Variants in TBC1D10A observed in about 807,000 individuals in gnomAD.
TBC1D10A encodes TBC1 domain family member 10A.
Under a neutral mutation model 52.9 loss-of-function variants are expected in TBC1D10A, and 24 were observed. The ratio of observed to expected loss-of-function variants is 0.45; its 90% CI spans 0.33 to 0.64. TBC1D10A has a LOEUF of 0.64. Ranked by LOEUF, TBC1D10A falls within the 30% of genes least tolerant of loss-of-function variation. The probability of loss-of-function intolerance (pLI) is 0.02; values close to 1 mark genes in which losing one functional copy is unlikely to be tolerated. For synonymous variants in TBC1D10A, 278 were observed against 282.9 expected (o/e 0.98, Z 0.17); for missense variants, 602 against 687.9 (o/e 0.88, Z 1.40).
intron 1 of TBC1D10A, among the ~76,000 whole-genome samples, chr22:30,311,848 A>G (rs997226166): frequency 6.6e-6 from 1 of 152,128 alleles, no homozygotes; most frequent in Non-Finnish European, 1.5e-5. Context: ...GATGGAGTGC[A>G]GTGGCATGAT....
chr22:30,325,107 A>T (rs754396660), intron 1 of TBC1D10A, among the ~76,000 whole-genome samples: 1 of 152,212 alleles, frequency 6.6e-6, no homozygotes, highest in Non-Finnish European at 1.5e-5. Context: ...AGTTCTCACA[A>T]GTGAATCCCT....
At chr22:30,299,409 G>A (rs201494712) in intron 3 of TBC1D10A, 35 bp downstream of exon 3, 16 of 1,601,956 alleles carry the variant, frequency 1.0e-5, no homozygotes, top group East Asian at 2.2e-5. Context: ...CAAGAGATGC[G>A]GAAGGGAGGG....
At chr22:30,295,670 C>T in intron 4 of TBC1D10A, 67 bp downstream of exon 4, 2 of 1,511,460 alleles carry the variant, frequency 1.3e-6, no homozygotes, top group Admixed American at 1.7e-5. Context: ...ACTCACTGTA[C>T]CTCCTTAGAC....
intron 1 of TBC1D10A, 129 bp from the exon 2 acceptor site, chr22:30,304,759 T>C: frequency 1.4e-6 from 2 of 1,444,146 alleles, no homozygotes; most frequent in South Asian, 1.5e-5. Flanking sequence ...CCTTCAGGAC[T>C]GCTACCTCGG....
chr22:30,305,097 A>G lies in TBC1D10A; in HGVS notation c.210-467T>C, dbSNP rs575068767. ...AAACTCATTACTCAGAGTTTCCCCA[A>G]TTATGCCCTGGCCCTTTCCCTCTCA... is the stretch of plus-strand genomic sequence containing the variant. On this transcript the variant is annotated intron_variant, in intron 1 of 8. Transcript: ENST00000215790. Among the ~76,000 whole-genome samples the G allele has an allele frequency of 2.0e-5, 3 of 152,322 alleles. No individual in the cohort carries two copies. In the East Asian group the frequency reaches 5.8e-4, roughly 29 times the overall value.
In TBC1D10A at chr22:30,326,823, G is replaced by A; in HGVS notation, c.59C>T (p.Ser20Leu). 6.8e-7 allele frequency: 1 copy of A among 1,475,960 alleles called. No homozygotes were observed. Among genetic ancestry groups the A allele is most frequent in the African/African-American group, 1.5e-5 (1 of 68,162 alleles). The allele number at this position is 1,475,960 out of a possible 1,614,324, so 91.4% of individuals were successfully genotyped here. Residue 20 changes from serine to leucine, a missense_variant, in exon 1 of 9, where the codon TCG becomes TTG. This residue lies in a region of TBC1D10A where 201 missense variants were observed against 204.4 expected (regional missense o/e 0.98). Coordinates refer to ENST00000215790, the MANE Select transcript of TBC1D10A (RefSeq NM_031937.3). ...PRAPAAGESL[S>L]GTRESLAQGP... Reference sequence around the variant, plus strand: ...CTGGGCCAGGCTCTCCCGGGTTCCCGACAGGCTTTCCCCGGCCGCGGGCGC... The same window carrying A: ...CTGGGCCAGGCTCTCCCGGGTTCCCAACAGGCTTTCCCCGGCCGCGGGCGC...
chr22:30,293,832 A>C (rs760960169), intron 7 of TBC1D10A, 27 bp from the exon 8 acceptor site: 1 of 1,603,916 alleles, frequency 6.2e-7, no homozygotes, highest in Admixed American at 1.7e-5. Context: ...CAGTAAGTAC[A>C]AGGAAGCTTT....
chr22:30,293,270 C>T, intron 8 of TBC1D10A: 1 of 604,724 alleles, frequency 1.7e-6, no homozygotes, highest in Non-Finnish European at 3.2e-6. Context: ...CTGTGAGCCT[C>T]CATTTCCTCA....
intron 3 of TBC1D10A, chr22:30,296,229 C>A: frequency 5.0e-6 from 1 of 198,796 alleles, no homozygotes; most frequent in Non-Finnish European, 1.0e-5. Flanking sequence ...CTTCTCTGAG[C>A]CAGGCGCTAA....
intron 3 of TBC1D10A, 34 bp from the exon 4 acceptor site, chr22:30,295,877 G>A: frequency 7.0e-6 from 11 of 1,582,544 alleles, no homozygotes; most frequent in Non-Finnish European, 9.5e-6. Flanking sequence ...GGGCTGGGGA[G>A]GATGGAGGTG....
chr22:30,317,270 TG>T (rs1930558221), intron 1 of TBC1D10A, among the ~76,000 whole-genome samples: 1 of 152,096 alleles, frequency 6.6e-6, no homozygotes, highest in Non-Finnish European at 1.5e-5. Context: ...TAGCCGGGCA[TG>T]GTGGTGGGCA....
intron 8 of TBC1D10A, 187 bp downstream of exon 8, chr22:30,293,464 A>T: frequency 1.1e-6 from 1 of 928,824 alleles, no homozygotes; most frequent in Non-Finnish European, 1.7e-6. Flanking sequence ...CTGCAGAGCC[A>T]AGCCTCTCTG....
intron 2 of TBC1D10A, among the ~76,000 whole-genome samples, chr22:30,302,912 A>G (rs1237181141): frequency 6.6e-6 from 1 of 152,244 alleles, no homozygotes; most frequent in Non-Finnish European, 1.5e-5. Context: ...GAGCCAGAGG[A>G]ATGATGAGGC....
At chr22:30,308,551 C>A (rs561494319) in intron 1 of TBC1D10A, among the ~76,000 whole-genome samples, 1 of 152,296 alleles carries the variant, frequency 6.6e-6, no homozygotes, top group South Asian at 2.1e-4. Flanking sequence ...TTTTTCTATT[C>A]TATTGTTTTA....
At chr22:30,318,751 C>T (rs1435154801) in intron 1 of TBC1D10A, 1 of 469,570 alleles carries the variant, frequency 2.1e-6, no homozygotes, top group Non-Finnish European at 4.4e-6. Context: ...CCAGGTCTCA[C>T]CACAGCCCTT....
intron 1 of TBC1D10A, among the ~76,000 whole-genome samples, chr22:30,319,350 A>G (rs1470197981): frequency 6.6e-6 from 1 of 152,216 alleles, no homozygotes; most frequent in African/African-American, 2.4e-5. Flanking sequence ...TGAGGGCAAT[A>G]AAACACAGAC....
chr22:30,318,542 C>T (rs1034894107), intron 1 of TBC1D10A: 2 of 459,462 alleles, frequency 4.4e-6, no homozygotes, highest in East Asian at 1.4e-4. Context: ...GTCACAGCAG[C>T]CCACTGCCCT....
chr22:30,305,235 T>A (rs1930287887), intron 1 of TBC1D10A, among the ~76,000 whole-genome samples: 1 of 152,174 alleles, frequency 6.6e-6, no homozygotes, highest in Non-Finnish European at 1.5e-5. Context: ...TATCTGTAGA[T>A]CTACTGACTG....
In TBC1D10A at chr22:30,314,777, C is replaced by T. The variant is rs911772573; in HGVS notation, c.210-10147G>A. 2.7e-5 allele frequency among the ~76,000 whole-genome samples: 4 copies of T among 150,600 alleles called. No homozygotes were observed. The East Asian group carries it at 5.9e-4, about 22-fold the overall frequency. ...AGTGAGCCATAATTGTGCCACTGCA[C>T]TCCAGCCTGGGTGAGAGAGGGAGAC... On this transcript the variant is annotated intron_variant, in intron 1 of 8. Coordinates refer to ENST00000215790, the MANE Select transcript of TBC1D10A (RefSeq NM_031937.3).
Sources: allele counts gnomAD v4.1 joint callset (sites outside exome capture counted in the v4.1 genomes callset), GRCh38; gene constraint gnomAD v4.1.1; regional missense constraint gnomAD v4.1.1; transcripts MANE v1.5; gene names NCBI Gene and HGNC (gene_info 2026-07-23, HGNC 2026-07-21).